The following CAMK2A variants were observed in gnomAD, a reference collection of about 807,000 sequenced individuals.
The protein encoded by CAMK2A is calcium/calmodulin-dependent protein kinase type II subunit alpha.
CAMK2A carries 7 observed loss-of-function variants against 79.2 expected under a neutral mutation model. The observed-to-expected ratio is 0.09, with a 90% CI of 0.05 to 0.17. CAMK2A has a LOEUF of 0.17. Ranked by LOEUF, CAMK2A falls within the 10% of genes least tolerant of loss-of-function variation. The probability of loss-of-function intolerance (pLI) is 1.00; values close to 1 mark genes in which losing one functional copy is unlikely to be tolerated. For synonymous variants in CAMK2A, 242 were observed against 251.7 expected, an observed-to-expected ratio of 0.96 and a Z score of 0.36; for missense variants, 214 against 646.4, an observed-to-expected ratio of 0.33 and a Z score of 7.25.
At chr5:150,249,414 C>T (rs993718159) in intron 11 of CAMK2A, among the ~76,000 whole-genome samples, 2 of 152,268 alleles carry the variant, frequency 1.3e-5, no homozygotes, top group Admixed American at 6.5e-5. Flanking sequence ...CAGGGTCTCA[C>T]GTTCAGTCAT....
chr5:150,287,564 ATC>A (rs1757476401), intron 1 of CAMK2A, among the ~76,000 whole-genome samples: 1 of 152,054 alleles, frequency 6.6e-6, no homozygotes, highest in African/African-American at 2.4e-5. Flanking sequence ...AATGATATCC[ATC>A]TCCTCTTGGG....
intron 1 of CAMK2A, among the ~76,000 whole-genome samples, chr5:150,280,389 T>A (rs1411495084): frequency 6.6e-6 from 1 of 152,136 alleles, no homozygotes; most frequent in Non-Finnish European, 1.5e-5. Flanking sequence ...CAGGTCTCCT[T>A]CCTTCCAGAA....
chr5:150,232,231 G>A (rs976202092), intron 15 of CAMK2A, among the ~76,000 whole-genome samples: 4 of 152,246 alleles, frequency 2.6e-5, no homozygotes, highest in African/African-American at 9.6e-5. Flanking sequence ...TGCAACTGCG[G>A]GCCACAAGGT....
Position 150,221,573 on chromosome 5 carries a change from T to C in CAMK2A, c.*1137A>G. 2 of 398,696 alleles carry C rather than the reference T, an allele frequency of 5.0e-6. No homozygotes were observed. The highest frequency in any genetic ancestry group is 7.1e-5 in the East Asian group (2 of 28,196). The allele number at this position is 398,696 out of a possible 1,614,324, so 24.7% of individuals were successfully genotyped here. On this transcript the variant is annotated 3_prime_UTR_variant, in exon 19 of 19. Transcript: ENST00000671881. ...CATCCTGACAGCCTCCCTCCTCCTC[T>C]CTGCCCTGACTTGCTGTTCCTGAGT...
rs1246985300 is a variant in CAMK2A at position 150,262,244 on chromosome 5, G to A, written c.217+2712C>T. 5.9e-5 allele frequency among the ~76,000 whole-genome samples: 9 copies of A among 152,314 alleles called. No homozygotes were observed. In the South Asian group the frequency reaches 1.7e-3, roughly 28 times the overall value. On this transcript the variant is annotated intron_variant, in intron 3 of 18. Coordinates refer to ENST00000671881, the MANE Select transcript of CAMK2A (RefSeq NM_015981.4). Reference sequence around the variant, plus strand: ...AGAGCAGTGGCCACACAGAAGCAGCGACCAGTAGTAACCTTGTCTAGATTG... The same window carrying A: ...AGAGCAGTGGCCACACAGAAGCAGCAACCAGTAGTAACCTTGTCTAGATTG...
intron 3 of CAMK2A, among the ~76,000 whole-genome samples, chr5:150,258,076 G>A (rs976890618): frequency 2.0e-5 from 3 of 152,234 alleles, no homozygotes; most frequent in Admixed American, 6.5e-5. Context: ...CATGCAGTTG[G>A]TGCTCACTCA....
chr5:150,264,608 G>A (rs567072216), intron 3 of CAMK2A, among the ~76,000 whole-genome samples: 12 of 152,318 alleles, frequency 7.9e-5, no homozygotes, highest in African/African-American at 2.4e-4. Context: ...AGGCTGAATC[G>A]GCATGGGTGT....
intron 3 of CAMK2A, among the ~76,000 whole-genome samples, chr5:150,261,477 G>A (rs1329603068): frequency 6.6e-6 from 1 of 152,212 alleles, no homozygotes; most frequent in Non-Finnish European, 1.5e-5. Context: ...TGCCCATTGA[G>A]TCATTCTGTC....
At chr5:150,287,243 C>T (rs1000533294) in intron 1 of CAMK2A, among the ~76,000 whole-genome samples, 1 of 152,236 alleles carries the variant, frequency 6.6e-6, no homozygotes, top group Non-Finnish European at 1.5e-5. Flanking sequence ...TAGGCTCATA[C>T]ACAGTCTTCC....
In CAMK2A at chr5:150,284,517, G is replaced by C. The variant is rs1479015269; in HGVS notation, c.62+5047C>G. On this transcript the variant is annotated intron_variant, in intron 1 of 18. Coordinates refer to ENST00000671881, the MANE Select transcript of CAMK2A (RefSeq NM_015981.4). The surrounding 1 kb of genome is among the most constrained non-coding windows in gnomAD (Gnocchi z 5.3). ...GGGAGGAAGGGAGGGAGGGAGGGAG[G>C]CTCAGCAGAGTGTCAGTGTGTCTCA... Among the ~76,000 whole-genome samples, 1 of 152,050 alleles carries C rather than the reference G, an allele frequency of 6.6e-6. No homozygotes were observed. The highest frequency in any genetic ancestry group is 1.5e-5 in the Non-Finnish European group (1 of 67,998).
At chr5:150,261,252 C>G (rs1046793503) in intron 3 of CAMK2A, among the ~76,000 whole-genome samples, 1 of 152,216 alleles carries the variant, frequency 6.6e-6, no homozygotes, top group East Asian at 1.9e-4. Flanking sequence ...GCACCACACA[C>G]GTGATGGTAC....
chr5:150,278,248 G>T (rs954643564), intron 1 of CAMK2A, among the ~76,000 whole-genome samples: 26 of 152,142 alleles, frequency 1.7e-4, no homozygotes, highest in Admixed American at 5.2e-4. Flanking sequence ...GGGCTGGGCT[G>T]CTACCTAGGC....
chr5:150,248,180 C>T (rs1755655887), intron 11 of CAMK2A, among the ~76,000 whole-genome samples: 1 of 152,070 alleles, frequency 6.6e-6, no homozygotes, highest in Non-Finnish European at 1.5e-5. Flanking sequence ...CAGCAGACCT[C>T]GTGTCCCCCA....
chr5:150,276,609 T>A (rs1018351501), intron 1 of CAMK2A, among the ~76,000 whole-genome samples: 1 of 151,996 alleles, frequency 6.6e-6, no homozygotes, highest in African/African-American at 2.4e-5. Context: ...AAAAGCCCTA[T>A]GAGAAAGAAG....
Position 150,289,656 on chromosome 5 carries a change from G to A in CAMK2A, c.-31C>T. Reference sequence around the variant, plus strand: ...CGCTGGGCAGGCAGGTGAGGCTTGGGACTGGGGGACCAGGACTGAGGCGCT... The same window carrying A: ...CGCTGGGCAGGCAGGTGAGGCTTGGAACTGGGGGACCAGGACTGAGGCGCT... On this transcript the variant is annotated 5_prime_UTR_variant, in exon 1 of 19. Coordinates refer to ENST00000671881, the MANE Select transcript of CAMK2A (RefSeq NM_015981.4). 1 of 1,594,310 alleles carries A rather than the reference G, an allele frequency of 6.3e-7. No homozygotes were observed. The highest frequency in any genetic ancestry group is 8.6e-7 in the Non-Finnish European group (1 of 1,163,034).
intron 1 of CAMK2A, among the ~76,000 whole-genome samples, chr5:150,287,935 C>CTGTG (rs1491510823): frequency 3.0e-4 from 34 of 114,390 alleles, no homozygotes; most frequent in African/African-American, 1.1e-3. Flanking sequence ...GTAGGATAGC[C>CTGTG]TCTGTGTGTG....
At chr5:150,282,593 G>A (rs1242607409) in intron 1 of CAMK2A, among the ~76,000 whole-genome samples, 11 of 152,216 alleles carry the variant, frequency 7.2e-5, no homozygotes, top group Non-Finnish European at 1.5e-4. Context: ...ACAGACACTG[G>A]AGTGTCCAGT....
rs527775019 is a variant in CAMK2A, at chr5:150,282,679, A to G, written c.62+6885T>C. 2.9e-3 allele frequency among the ~76,000 whole-genome samples: 446 copies of G among 152,370 alleles called. 3 individuals carry two copies. The highest frequency in any genetic ancestry group is 0.01 in the African/African-American group (417 of 41,590). On this transcript the variant is annotated intron_variant, in intron 1 of 18. Transcript: ENST00000671881. ...TGGGCCTTAGCTCACCATCTGTAAG[A>G]CAATGGAGCCCTCTTCCCTCCAATA...
Position 150,219,742 on chromosome 5 carries a change from G to A in CAMK2A, c.*2968C>T, listed in dbSNP as rs1239858354. On this transcript the variant is annotated 3_prime_UTR_variant, in exon 19 of 19. Transcript: ENST00000671881. ...TCCCCCAAAAGGGTCTCCCTTTGAA[G>A]GGAGACAGGAGGCCTTGGGTCAGGA... The A allele has an allele frequency of 1.3e-5, 2 of 152,408 alleles. No individual in the cohort carries two copies. The highest frequency in any genetic ancestry group is 1.9e-4 in the East Asian group (1 of 5,324). 9.4% of individuals were successfully genotyped at this position (152,408 alleles called of 1,614,324 possible). A position where few individuals can be genotyped will look rare whatever the true frequency, so the allele number is the denominator to read the frequency against.
Sources: allele counts gnomAD v4.1 joint callset (sites outside exome capture counted in the v4.1 genomes callset), GRCh38; gene constraint gnomAD v4.1.1; non-coding constraint Gnocchi (gnomAD v3.1); transcripts MANE v1.5; gene names NCBI Gene and HGNC (gene_info 2026-07-23, HGNC 2026-07-21).